The following FREM3 variants were observed in gnomAD, a reference collection of about 807,000 sequenced individuals.
FREM3 encodes the protein FRAS1-related extracellular matrix protein 3.
A neutral mutation model predicts 129.1 loss-of-function variants in FREM3; 105 were observed. The ratio of observed to expected loss-of-function variants is 0.81; its 90% confidence interval spans 0.69 to 0.96. The LOEUF (loss-of-function observed/expected upper bound fraction) is 0.96. Ranked by LOEUF, FREM3 falls within the 40% of genes least tolerant of loss-of-function variation. The pLI, the probability that FREM3 is intolerant of heterozygous loss-of-function variation, is 0.00. For missense variants in FREM3, 2,593 were observed against 2,666.3 expected, an observed-to-expected ratio of 0.97 and a Z score of 0.61; for synonymous variants, 1,014 against 1,044.9, an observed-to-expected ratio of 0.97 and a Z score of 0.57.
chr4:143,699,691 C>A lies in FREM3; in HGVS notation c.985G>T (p.Ala329Ser). 1 of 1,523,474 alleles carries A rather than the reference C, an allele frequency of 6.6e-7. No individual in the cohort carries two copies. The highest frequency in any genetic ancestry group is 1.4e-5 in the African/African-American group (1 of 73,018). 94.4% of individuals were successfully genotyped at this position (1,523,474 alleles called of 1,614,324 possible). A position where few individuals can be genotyped will look rare whatever the true frequency, so the allele number is the denominator to read the frequency against. The change falls in exon 1 of 8, where the codon GCA becomes TCA. Residue 329 changes from alanine to serine, a missense_variant. Physicochemically the swap from Ala to Ser is moderately conservative, Grantham distance 99. Coordinates refer to ENST00000329798, the MANE Select transcript of FREM3 (RefSeq NM_001168235.2). This position sits in a 1 kb window ranked among gnomAD's most constrained non-coding sequence, Gnocchi z 4.2. ...GACTCGACGTCCTCCGCGGCCAGTG[C>A]GTCAGGCGTCAGGGCTGTCAGCACC... ...PLVLTALTPD[A>S]LAAEDVESDP...
At chr4:143,582,369 C>T (rs1235581822) in intron 7 of FREM3, among the ~76,000 whole-genome samples, 1 of 151,996 alleles carries the variant, frequency 6.6e-6, no homozygotes, top group African/African-American at 2.4e-5. Context: ...ACTTACACGC[C>T]ATCTACTAGA....
At chr4:143,682,081 G>A (rs1740261929) in intron 2 of FREM3, among the ~76,000 whole-genome samples, 1 of 152,128 alleles carries the variant, frequency 6.6e-6, no homozygotes, top group Non-Finnish European at 1.5e-5. Context: ...GTCTAAAATT[G>A]ACCTCATATA....
rs1346643321 is a variant in FREM3, at chr4:143,696,214, G to C, written c.4462C>G (p.Gln1488Glu). 2.0e-6 allele frequency: 3 copies of C among 1,537,718 alleles called. No homozygotes were observed. Among genetic ancestry groups the C allele is most frequent in the Admixed American group, 3.9e-5 (2 of 50,984 alleles). ...ATTTTGTTGCTAGCCAATTGAAGTT[G>C]AGTGAAAGAGGCAATGGGTTCCCCA... is the stretch of plus-strand genomic sequence containing the variant. ...YAGEPIASFTQLQLASNKISY... is the reference protein window; with the variant it reads ...YAGEPIASFTELQLASNKISY... The change falls in exon 1 of 8, where the codon CAA becomes GAA. Residue 1488 changes from glutamine (Q) to glutamate (E), a missense_variant. Physicochemically the swap from Gln to Glu is conservative, Grantham distance 29. This residue lies in a region of FREM3 where 2,276 missense variants were observed against 2,267.2 expected (regional missense o/e 1.00). Coordinates refer to ENST00000329798, the MANE Select transcript of FREM3 (RefSeq NM_001168235.2).
At chr4:143,672,610 C>A (rs960368019) in intron 2 of FREM3, among the ~76,000 whole-genome samples, 3 of 152,122 alleles carry the variant, frequency 2.0e-5, no homozygotes, top group African/African-American at 7.2e-5. Flanking sequence ...GTGGCGTTCT[C>A]TGTATTTCTT....
chr4:143,580,093 TA>T (rs1738104803), intron 7 of FREM3, among the ~76,000 whole-genome samples: 1 of 151,828 alleles, frequency 6.6e-6, no homozygotes, highest in Admixed American at 6.6e-5. Context: ...TCTGAAAACT[TA>T]AAAAAGAATG....
intron 2 of FREM3, among the ~76,000 whole-genome samples, chr4:143,654,993 T>A (rs1739575003): frequency 6.6e-6 from 1 of 152,138 alleles, no homozygotes; most frequent in Non-Finnish European, 1.5e-5. Context: ...CAGGAACAGT[T>A]GAAGTGCAGC....
chr4:143,670,190 C>T (rs1216198815), intron 2 of FREM3, among the ~76,000 whole-genome samples: 1 of 152,144 alleles, frequency 6.6e-6, no homozygotes, highest in Non-Finnish European at 1.5e-5. Context: ...TTAAGTACAT[C>T]TAGCACAATA....
At chr4:143,678,771 A>T (rs1486132796) in intron 2 of FREM3, among the ~76,000 whole-genome samples, 1 of 152,118 alleles carries the variant, frequency 6.6e-6, no homozygotes, top group East Asian at 1.9e-4. Context: ...TCTTAATTAA[A>T]CTTCAATATA....
intron 6 of FREM3, among the ~76,000 whole-genome samples, chr4:143,597,951 T>C (rs753169429): frequency 1.9e-4 from 29 of 152,198 alleles, no homozygotes; most frequent in Non-Finnish European, 2.6e-4. Flanking sequence ...CTGGTAATGG[T>C]CCACCTTCTA....
intron 7 of FREM3, among the ~76,000 whole-genome samples, chr4:143,580,155 G>A (rs981651540): frequency 3.3e-5 from 5 of 152,158 alleles, no homozygotes; most frequent in African/African-American, 1.2e-4. Flanking sequence ...CTGTTAGTGT[G>A]TGCTGCTCTC....
Position 143,695,543 on chromosome 4 carries a change from G to A in FREM3, c.5133C>T (p.Gly1711=), listed in dbSNP as rs770117411. The part of the protein sequence containing the change: ...KYKVTRGPEH[G]FIIKTGLGNQ... The stretch of plus-strand genomic sequence containing the variant: ...TTCCAAGGCCAGTTTTGATAATGAA[G>A]CCATGCTCTGGTCCTCTGGTCACTT... Residue 1711 remains glycine, a synonymous_variant, in exon 1 of 8, where the codon GGC becomes GGT. Transcript: ENST00000329798. The A allele has an allele frequency of 1.8e-5, 28 of 1,537,324 alleles. No homozygotes were observed. The South Asian group carries it at 2.3e-4, about 12-fold the overall frequency.
At chr4:143,594,109 T>C (rs1738419645) in intron 6 of FREM3, among the ~76,000 whole-genome samples, 1 of 152,166 alleles carries the variant, frequency 6.6e-6, no homozygotes, top group African/African-American at 2.4e-5. Flanking sequence ...TGACACGAGT[T>C]TCCAGGTGCC....
intron 2 of FREM3, among the ~76,000 whole-genome samples, chr4:143,678,761 T>A (rs60999976): frequency 0.073 from 11,068 of 152,100 alleles, 1,074 homozygotes; most frequent in African/African-American, 0.21. Flanking sequence ...TTAGATAACC[T>A]CTTAATTAAA....
Position 143,696,709 on chromosome 4 carries a change from CAG to C in FREM3, c.3965_3966del (p.Ser1322Ter), listed in dbSNP as rs1453548371. 4.6e-6 allele frequency: 7 copies of C among 1,537,780 alleles called. No individual in the cohort carries two copies. Among genetic ancestry groups the C allele is most frequent in the African/African-American group, 1.4e-5 (1 of 73,016 alleles). On this transcript the variant is annotated frameshift_variant, in exon 1 of 8. Transcript: ENST00000329798. LOFTEE classifies it high-confidence loss of function. Reference sequence around the variant, plus strand: ...TTGAGGATCCGATTTGTGATGATCTCAGAGTGTCCTTTCTCTACCTTCAGCCC... The same window carrying C: ...TTGAGGATCCGATTTGTGATGATCTCAGTGTCCTTTCTCTACCTTCAGCCC... ...NNGLKVEKGH[S>X]EIITNRILKA...
At chr4:143,586,794 A>C (rs1738251174) in intron 6 of FREM3, among the ~76,000 whole-genome samples, 2 of 152,252 alleles carry the variant, frequency 1.3e-5, no homozygotes, top group African/African-American at 4.8e-5. Context: ...AGCTGTAACA[A>C]TACCTACTAT....
At chr4:143,644,694 T>TA (rs562452341) in intron 2 of FREM3, among the ~76,000 whole-genome samples, 48 of 152,284 alleles carry the variant, frequency 3.2e-4, no homozygotes, top group African/African-American at 9.9e-4. Flanking sequence ...ATATAATTTT[T>TA]AAAAAAGCAT....
intron 5 of FREM3, among the ~76,000 whole-genome samples, chr4:143,614,745 C>T (rs559757299): frequency 5.3e-5 from 8 of 152,224 alleles, no homozygotes; most frequent in Non-Finnish European, 8.8e-5. Context: ...GCTCTCCAAA[C>T]AAGGCACGCG....
At chr4:143,692,998 T>C in intron 2 of FREM3, 115 bp downstream of exon 2, 2 of 455,016 alleles carry the variant, frequency 4.4e-6, no homozygotes, top group Admixed American at 4.1e-5. Context: ...TTATTTATTG[T>C]GATTACTTGC....
chr4:143,622,397 A>C (rs1417860870), intron 4 of FREM3, among the ~76,000 whole-genome samples: 1 of 125,542 alleles, frequency 8.0e-6, no homozygotes, highest in Non-Finnish European at 1.7e-5. Context: ...CCCGGCTGGC[A>C]ATCATCTTTT....
Sources: gnomAD v4.1 joint callset for allele counts (sites outside exome capture counted in the v4.1 genomes callset) on GRCh38, gnomAD v4.1.1 for gene constraint, gnomAD v4.1.1 regional missense constraint, Gnocchi (gnomAD v3.1) non-coding constraint, MANE v1.5 for transcripts, NCBI Gene and HGNC (gene_info 2026-07-23, HGNC 2026-07-21) for gene names.